C2orf42: variants seen among roughly 807,000 people sequenced by gnomAD.
The protein encoded by C2orf42 is chromosome 2 open reading frame 42.
In C2orf42, 44 loss-of-function variants were observed where a neutral mutation model predicts 58.9. The observed-to-expected ratio is 0.75, with a 90% CI of 0.59 to 0.96. The LOEUF (loss-of-function observed/expected upper bound fraction) is 0.96. C2orf42 is among the 40% of genes least tolerant of loss of function. The probability of loss-of-function intolerance (pLI) is 0.00; values close to 1 mark genes in which losing one functional copy is unlikely to be tolerated. For missense variants in C2orf42, 630 were observed against 699.2 expected (o/e 0.90, Z 1.12); for synonymous variants, 239 against 265.4 (o/e 0.90, Z 0.97).
At chr2:70,173,202 G>A (rs1293081007) in intron 5 of C2orf42, among the ~76,000 whole-genome samples, 1 of 149,446 alleles carries the variant, frequency 6.7e-6, no homozygotes, top group African/African-American at 2.5e-5. Context: ...ATTTGATGCT[G>A]TTGATCTGCT....
intron 9 of C2orf42, among the ~76,000 whole-genome samples, chr2:70,159,591 C>CAAAA (rs56879530): frequency 9.1e-6 from 1 of 109,768 alleles, no homozygotes. Context: ...ACTCCCTCTC[C>CAAAA]AAAAAAAAAA....
chr2:70,181,821 T>C lies in C2orf42; in HGVS notation c.165A>G (p.Ala55=). ...KTCGTIFRYG[A]RKQPSVEAVK... is the part of the protein sequence containing the mutation. ...CAGCTTCAACACTAGGCTGCTTGCG[T>C]GCACCGTAGCGGAATATGGTTCCAC... Residue 55 remains alanine (A), a synonymous_variant, in exon 3 of 10, where the codon GCA becomes GCG. Coordinates refer to ENST00000264434, the MANE Select transcript of C2orf42 (RefSeq NM_017880.3). 6.2e-7 allele frequency: 1 copy of C among 1,614,158 alleles called. No homozygotes were observed. The highest frequency in any genetic ancestry group is 8.5e-7 in the Non-Finnish European group (1 of 1,180,012).
chr2:70,190,337 A>T (rs1675266138), intron 1 of C2orf42: 2 of 152,212 alleles, frequency 1.3e-5, no homozygotes, highest in Non-Finnish European at 2.9e-5. Flanking sequence ...ATTCTGTTTC[A>T]TGCTTGTGAG....
chr2:70,171,574 G>A (rs1573005512), intron 5 of C2orf42, among the ~76,000 whole-genome samples: 1 of 152,056 alleles, frequency 6.6e-6, no homozygotes, highest in East Asian at 2.0e-4. Flanking sequence ...GCAGTGGCAT[G>A]ATCTCAGCTC....
rs141556112 is a variant in C2orf42, at chr2:70,165,566, A to G, written c.1214T>C (p.Ile405Thr). The change falls in exon 7 of 10, where the codon ATA (isoleucine) becomes ACA (threonine). Residue 405 changes from isoleucine to threonine, a missense_variant. Ile to Thr is a moderately conservative substitution (Grantham distance 89). Transcript: ENST00000264434. ...FFDALQQRIS[I>T]GSAKKRLPNS... ...GGGGAGCCGTTTTTTTGCACTTCCT[A>G]TAGATATTCTTTGTTGCAGGGCATC... The G allele has an allele frequency of 5.2e-4, 843 of 1,612,380 alleles. 1 individual carries two copies. The highest frequency in any genetic ancestry group is 2.3e-3 in the Middle Eastern group (14 of 6,062).
At chr2:70,188,457 T>C (rs181358137) in intron 1 of C2orf42, among the ~76,000 whole-genome samples, 1 of 152,334 alleles carries the variant, frequency 6.6e-6, no homozygotes, top group African/African-American at 2.4e-5. Context: ...CCCAAAGTAC[T>C]GGGATTACAG....
At chr2:70,175,643 T>G (rs759684699) in intron 5 of C2orf42, 30 bp downstream of exon 5, 1 of 1,283,864 alleles carries the variant, frequency 7.8e-7, no homozygotes, top group Non-Finnish European at 1.1e-6. Flanking sequence ...TTTCCACCAC[T>G]GTAGCCTATT....
intron 1 of C2orf42, among the ~76,000 whole-genome samples, chr2:70,188,799 T>G (rs1558695343): frequency 6.6e-6 from 1 of 152,216 alleles, no homozygotes. Context: ...CTTGACAGTT[T>G]TGAAGAGTCG....
At position 70,182,914 on chromosome 2, in the gene C2orf42, C is replaced by T. The variant is rs144271265; in HGVS notation, c.-260G>A. On this transcript the variant is annotated 5_prime_UTR_variant, in exon 2 of 10. Coordinates refer to ENST00000264434, the MANE Select transcript of C2orf42 (RefSeq NM_017880.3). ...GTTCCGCAAATAAGATTCCCACTTCCCTAAGTGGAGATCTTGATAGTCTGC... is the reference window on the plus strand; with the variant it reads ...GTTCCGCAAATAAGATTCCCACTTCTCTAAGTGGAGATCTTGATAGTCTGC... The T allele has an allele frequency of 4.2e-4, 64 of 152,244 alleles. No individual in the cohort carries two copies. The highest frequency in any genetic ancestry group is 3.4e-3 in the Middle Eastern group (1 of 294). The allele number at this position is 152,244 out of a possible 1,614,324, so 9.4% of individuals were successfully genotyped here. A position where few individuals can be genotyped will look rare whatever the true frequency, so the allele number is the denominator to read the frequency against.
In C2orf42 at chr2:70,181,383, C is replaced by A. The variant is rs747865624; in HGVS notation, c.603G>T (p.Leu201Phe). The A allele has an allele frequency of 5.0e-6, 8 of 1,614,112 alleles. No individual in the cohort carries two copies. Among genetic ancestry groups the A allele is most frequent in the Admixed American group, 1.7e-5 (1 of 59,998 alleles). The change falls in exon 3 of 10, where the codon TTG (leucine) becomes TTT (phenylalanine). Residue 201 changes from leucine to phenylalanine, a missense_variant. Transcript: ENST00000264434. The part of the protein sequence containing the change: ...VKCKASQKHS[L>F]GYLHTSFVQK... ...GCACAAAAGATGTATGCAAATACCCCAAACTGTGCTTCTGGCTTGCCTTGC... is the reference window on the plus strand; with the variant it reads ...GCACAAAAGATGTATGCAAATACCCAAAACTGTGCTTCTGGCTTGCCTTGC...
intron 9 of C2orf42, among the ~76,000 whole-genome samples, chr2:70,157,669 C>T (rs2104845200): frequency 6.6e-6 from 1 of 151,994 alleles, no homozygotes; most frequent in Non-Finnish European, 1.5e-5. Flanking sequence ...TGGTGGCATA[C>T]GCCTGTAATC....
chr2:70,169,764 A>T (rs551856440), intron 5 of C2orf42, 103 bp from the exon 6 acceptor site: 1 of 644,724 alleles, frequency 1.6e-6, no homozygotes, highest in African/African-American at 1.8e-5. Context: ...TTTTATTTTT[A>T]TTTTATTTTT....
At position 70,157,999 on chromosome 2, in the gene C2orf42, G is replaced by A. The variant is rs141890821; in HGVS notation, c.1516+2626C>T. Among the ~76,000 whole-genome samples the A allele has an allele frequency of 1.7e-3, 252 of 152,066 alleles. 2 individuals are homozygous for A. The highest frequency in any genetic ancestry group is 5.8e-3 in the African/African-American group (242 of 41,512). ...GCGGATCACCAGACGTCCAGAGTTC[G>A]ACATCAGCCTGGTTAACATGGTAAA... is the stretch of plus-strand genomic sequence containing the variant. On this transcript the variant is annotated intron_variant, in intron 9 of 9. Transcript: ENST00000264434.
chr2:70,170,614 G>A (rs1420698617), intron 5 of C2orf42, among the ~76,000 whole-genome samples: 1 of 152,000 alleles, frequency 6.6e-6, no homozygotes. Flanking sequence ...AATTAGCTGG[G>A]CGTGGTGGCA....
chr2:70,153,148 G>A (rs933801741), intron 9 of C2orf42, among the ~76,000 whole-genome samples: 7 of 151,990 alleles, frequency 4.6e-5, no homozygotes, highest in Admixed American at 3.3e-4. Flanking sequence ...CTATATATGC[G>A]GGGAATCTTA....
chr2:70,150,172 C>CA lies in C2orf42; in HGVS notation c.*183dup, dbSNP rs1672216636. On this transcript the variant is annotated 3_prime_UTR_variant, in exon 10 of 10. Coordinates refer to ENST00000264434, the MANE Select transcript of C2orf42 (RefSeq NM_017880.3). ...TAATGAAGACTGTACACAGCAGCAT[C>CA]AAAAAGGCTATTTACAAGAGATTTT... The CA allele has an allele frequency of 3.3e-6, 2 of 611,742 alleles. No individual in the cohort carries two copies. Among genetic ancestry groups the CA allele is most frequent in the African/African-American group, 3.7e-5 (2 of 54,306 alleles). The allele number at this position is 611,742 out of a possible 1,614,324, so 37.9% of individuals were successfully genotyped here. A position where few individuals can be genotyped will look rare whatever the true frequency, so the allele number is the denominator to read the frequency against.
chr2:70,172,637 C>T (rs912190622), intron 5 of C2orf42, among the ~76,000 whole-genome samples: 13 of 152,122 alleles, frequency 8.5e-5, no homozygotes, highest in African/African-American at 2.2e-4. Flanking sequence ...CCCGCCACTG[C>T]GCTCCAGCCT....
intron 8 of C2orf42, among the ~76,000 whole-genome samples, chr2:70,162,619 G>A (rs965651977): frequency 1.3e-5 from 2 of 151,806 alleles, no homozygotes; most frequent in Admixed American, 1.3e-4. Flanking sequence ...TTCCAGCCTA[G>A]ACAACAGAGT....
intron 5 of C2orf42, among the ~76,000 whole-genome samples, chr2:70,173,181 T>TA (rs930173849): frequency 9.4e-5 from 14 of 149,246 alleles, no homozygotes; most frequent in Middle Eastern, 7.0e-3. Context: ...ATATAAATAA[T>TA]AAAAAAACCT....
Sources: gnomAD v4.1 joint callset for allele counts (sites outside exome capture counted in the v4.1 genomes callset) on GRCh38, gnomAD v4.1.1 for gene constraint, MANE v1.5 for transcripts, NCBI Gene and HGNC (gene_info 2026-07-23, HGNC 2026-07-21) for gene names.